Variants in SH3RF3 observed in about 807,000 individuals in gnomAD.
SH3RF3 encodes the protein SH3 domain containing ring finger 3.
Under a neutral mutation model 66.3 loss-of-function variants are expected in SH3RF3, and 29 were observed. The ratio of observed to expected loss-of-function variants is 0.44; its 90% CI spans 0.33 to 0.60. SH3RF3 has a LOEUF of 0.60. Ranked by LOEUF, SH3RF3 falls within the 20% of genes least tolerant of loss-of-function variation. SH3RF3 has a pLI of 0.04. For synonymous variants in SH3RF3, 583 were observed against 532.0 expected (o/e 1.10, Z -1.32); for missense variants, 1,194 against 1,190.9 (o/e 1.00, Z -0.04).
At chr2:109,281,671 C>T (rs1225081781) in intron 1 of SH3RF3, among the ~76,000 whole-genome samples, 2 of 152,112 alleles carry the variant, frequency 1.3e-5, no homozygotes, top group East Asian at 3.9e-4. Context: ...TGCTGAATTC[C>T]CCACAGTTCT....
intron 2 of SH3RF3, among the ~76,000 whole-genome samples, chr2:109,352,392 G>T (rs1682859201): frequency 6.6e-6 from 1 of 152,192 alleles, no homozygotes; most frequent in African/African-American, 2.4e-5. Context: ...TCTCAGAGAG[G>T]ATTGCCTGGG....
intron 1 of SH3RF3, among the ~76,000 whole-genome samples, chr2:109,152,894 C>G (rs192808499): frequency 6.6e-6 from 1 of 152,228 alleles, no homozygotes; most frequent in Admixed American, 6.5e-5. Context: ...TCCTTGTTCT[C>G]GATGGAGGCA....
intron 2 of SH3RF3, among the ~76,000 whole-genome samples, chr2:109,371,305 G>T (rs983218501): frequency 6.6e-6 from 1 of 152,198 alleles, no homozygotes; most frequent in African/African-American, 2.4e-5. Context: ...CAGGAGAATC[G>T]CTTGAACCCC....
intron 3 of SH3RF3, among the ~76,000 whole-genome samples, chr2:109,390,233 T>C (rs1675948854): frequency 6.6e-6 from 1 of 152,212 alleles, no homozygotes; most frequent in Non-Finnish European, 1.5e-5. Flanking sequence ...CACACACTTC[T>C]TTGCCCATAA....
At chr2:109,301,046 A>G (rs1433824666) in intron 1 of SH3RF3, among the ~76,000 whole-genome samples, 1 of 152,242 alleles carries the variant, frequency 6.6e-6, no homozygotes, top group African/African-American at 2.4e-5. Flanking sequence ...GGAGACTTCA[A>G]TACAGTTGTG....
chr2:109,373,314 T>C (rs1428644882), intron 3 of SH3RF3, among the ~76,000 whole-genome samples: 1 of 152,246 alleles, frequency 6.6e-6, no homozygotes, highest in African/African-American at 2.4e-5. Flanking sequence ...GCCAAACTTT[T>C]TTCTCCAGGC....
chr2:109,376,809 G>C (rs62152249), intron 3 of SH3RF3, among the ~76,000 whole-genome samples: 40,808 of 152,232 alleles, frequency 0.27, 6,812 homozygotes, highest in Non-Finnish European at 0.38. Flanking sequence ...AGGATCCTTA[G>C]AGACAGCCAG....
rs1354047907 is a variant in SH3RF3, at chr2:109,251,368, A to G, written c.574-96306A>G. ...ACACCCGGCCTGCCGCGGGAGCATGAGGGAGTCTGTGCATTCCTTTCCAAG... is the reference window on the plus strand; with the variant it reads ...ACACCCGGCCTGCCGCGGGAGCATGGGGGAGTCTGTGCATTCCTTTCCAAG... On this transcript the variant is annotated intron_variant, in intron 1 of 9. Transcript: ENST00000309415. The G allele has an allele frequency of 1.3e-5, 8 of 632,058 alleles. No homozygotes were observed. The East Asian group carries it at 2.3e-4, about 18-fold the overall frequency. The allele number at this position is 632,058 out of a possible 1,614,324, so 39.2% of individuals were successfully genotyped here. A position where few individuals can be genotyped will look rare whatever the true frequency, so the allele number is the denominator to read the frequency against.
chr2:109,417,261 C>A (rs76323039), intron 4 of SH3RF3, among the ~76,000 whole-genome samples: 1 of 152,136 alleles, frequency 6.6e-6, no homozygotes, highest in African/African-American at 2.4e-5. Context: ...TCTCTGCCCT[C>A]GTACTTGCCC....
chr2:109,201,350 C>T (rs1678670831), intron 1 of SH3RF3, among the ~76,000 whole-genome samples: 1 of 152,278 alleles, frequency 6.6e-6, no homozygotes. Context: ...CCCACAGGTA[C>T]ATGGCCTGGG....
At chr2:109,374,807 C>T (rs373246682) in intron 3 of SH3RF3, among the ~76,000 whole-genome samples, 132 of 152,346 alleles carry the variant, frequency 8.7e-4, no homozygotes, top group African/African-American at 3.0e-3. Context: ...TGGGGTTCAC[C>T]GAGGGACTCT....
intron 4 of SH3RF3, among the ~76,000 whole-genome samples, chr2:109,412,614 A>G (rs1422553894): frequency 6.6e-6 from 1 of 152,216 alleles, no homozygotes; most frequent in Non-Finnish European, 1.5e-5. Flanking sequence ...GTCAGCTCCC[A>G]GGATCCCCTG....
At position 109,479,171 on chromosome 2, in the gene SH3RF3, G is replaced by A. The variant is rs528284926; in HGVS notation, c.2149-11434G>A. Among the ~76,000 whole-genome samples, 27 of 152,220 alleles carry A rather than the reference G, an allele frequency of 1.8e-4. No homozygotes were observed. In the South Asian group the frequency reaches 4.2e-3, roughly 23 times the overall value. On this transcript the variant is annotated intron_variant, in intron 8 of 9. Coordinates refer to ENST00000309415, the MANE Select transcript of SH3RF3 (RefSeq NM_001099289.3). ...GACTGGGTTCCGAGAGTGAGTGCAC[G>A]GCCTGCCCTTGACCTTGCCTCAGGG...
intron 1 of SH3RF3, among the ~76,000 whole-genome samples, chr2:109,240,983 T>C (rs1232368591): frequency 2.0e-5 from 3 of 151,806 alleles, no homozygotes; most frequent in African/African-American, 2.4e-5. Context: ...AGTCCACATC[T>C]CCCCAAAAAC....
intron 8 of SH3RF3, among the ~76,000 whole-genome samples, chr2:109,465,915 A>G (rs1678328542): frequency 6.6e-6 from 1 of 152,084 alleles, no homozygotes; most frequent in Admixed American, 6.6e-5. Flanking sequence ...ACCATTCACC[A>G]AGGATCCGTC....
At chr2:109,218,721 G>A (rs867281567) in intron 1 of SH3RF3, among the ~76,000 whole-genome samples, 2 of 152,148 alleles carry the variant, frequency 1.3e-5, no homozygotes, top group South Asian at 2.1e-4. Context: ...CTGGACTTTG[G>A]CACTTTGTTC....
intron 1 of SH3RF3, among the ~76,000 whole-genome samples, chr2:109,345,825 C>T (rs1213078588): frequency 6.6e-6 from 1 of 152,156 alleles, no homozygotes; most frequent in East Asian, 1.9e-4. Flanking sequence ...TGGCTCTGGG[C>T]CAGGTCATTC....
chr2:109,409,229 A>T (rs762092237), intron 4 of SH3RF3, among the ~76,000 whole-genome samples: 3 of 152,234 alleles, frequency 2.0e-5, no homozygotes, highest in Non-Finnish European at 2.9e-5. Context: ...TGGCCCAGTA[A>T]GACAAAGGCA....
chr2:109,459,571 C>G (rs1678158740), intron 8 of SH3RF3, among the ~76,000 whole-genome samples: 4 of 152,178 alleles, frequency 2.6e-5, no homozygotes, highest in Admixed American at 2.6e-4. Context: ...CCCAGACATG[C>G]TCTTGCCCAT....
Sources: allele counts gnomAD v4.1 joint callset (sites outside exome capture counted in the v4.1 genomes callset), GRCh38; gene constraint gnomAD v4.1.1; transcripts MANE v1.5; gene names NCBI Gene and HGNC (gene_info 2026-07-23, HGNC 2026-07-21).